The following PTER variants were observed in gnomAD, a reference collection of about 807,000 sequenced individuals.
PTER encodes phosphotriesterase related.
PTER carries 38 observed loss-of-function variants against 29.6 expected under a neutral mutation model. That is an observed-to-expected ratio of 1.28 (90% confidence interval 0.99 to 1.68). PTER has a LOEUF of 1.68. PTER is among the 40% of genes most tolerant of loss of function. The pLI is 0.00. For synonymous variants in PTER, 172 were observed against 154.5 expected (o/e 1.11, Z -0.84); for missense variants, 482 against 427.8 (o/e 1.13, Z -1.12).
chr10:16,497,392 C>T (rs1248627775), intron 3 of PTER, among the ~76,000 whole-genome samples: 1 of 152,100 alleles, frequency 6.6e-6, no homozygotes, highest in African/African-American at 2.4e-5. Flanking sequence ...TGTTTTTTAG[C>T]ACATTTAACT....
chr10:16,459,694 TTGC>T (rs1834536621), intron 1 of PTER, among the ~76,000 whole-genome samples: 1 of 152,134 alleles, frequency 6.6e-6, no homozygotes, highest in Non-Finnish European at 1.5e-5. Context: ...AGTATTTGCT[TTGC>T]ACTTAGATAT....
At position 16,456,962 on chromosome 10, in the gene PTER, C is replaced by T. The variant is rs1039173438; in HGVS notation, c.-49+19915C>T. Among the ~76,000 whole-genome samples the T allele has an allele frequency of 2.0e-5, 3 of 152,042 alleles. 1 individual carries two copies. Among genetic ancestry groups the T allele is most frequent in the Middle Eastern group, 6.8e-3 (2 of 294 alleles). On this transcript the variant is annotated intron_variant, in intron 1 of 4. Coordinates refer to ENST00000535784, the MANE Select transcript of PTER (RefSeq NM_001261836.2). ...TCCACTTTCACTTGGCTCTCTCATT[C>T]TCTCTTGCCTGCTGCCATGATTGTG...
At chr10:16,514,639 A>T, downstream of PTER, 2 of 1,613,964 alleles carry the variant, frequency 1.2e-6, no homozygotes, top group East Asian at 4.5e-5. Flanking sequence ...GCTCCAAATG[A>T]AGAACCACAC....
chr10:16,469,583 A>C (rs966735433), intron 1 of PTER, among the ~76,000 whole-genome samples: 2 of 152,170 alleles, frequency 1.3e-5, no homozygotes, highest in African/African-American at 4.8e-5. Flanking sequence ...TGGGTGAGGC[A>C]GGAGTCTTGG....
chr10:16,511,197 G>C lies in PTER; in HGVS notation c.991G>C (p.Glu331Gln), dbSNP rs753929597. The C allele has an allele frequency of 3.7e-6, 6 of 1,614,046 alleles. No individual in the cohort carries two copies. Among genetic ancestry groups the C allele is most frequent in the Non-Finnish European group, 5.1e-6 (6 of 1,180,002 alleles). The part of the protein sequence containing the change: ...VPKMLLRGIT[E>Q]NVLDKILIEN... ...TAAAATGTTGCTGAGAGGCATAACT[G>C]AGAATGTGCTTGATAAGATTCTAAT... Residue 331 changes from glutamate (E) to glutamine (Q), a missense_variant, in exon 5 of 5, where the codon GAG (glutamate) becomes CAG (glutamine). Physicochemically the swap from Glu to Gln is conservative, Grantham distance 29. Coordinates refer to ENST00000535784, the MANE Select transcript of PTER (RefSeq NM_001261836.2).
chr10:16,501,365 A>ATG (rs1269940135), intron 3 of PTER, among the ~76,000 whole-genome samples: 57 of 71,218 alleles, frequency 8.0e-4, no homozygotes, highest in African/African-American at 2.9e-3. Flanking sequence ...ACACACACAC[A>ATG]CACATGCACA....
chr10:16,453,447 T>C (rs538123823), intron 1 of PTER, among the ~76,000 whole-genome samples: 1 of 152,324 alleles, frequency 6.6e-6, no homozygotes, highest in Admixed American at 6.5e-5. Context: ...CGTTTTCAGT[T>C]GCTTAGGCAG....
chr10:16,495,904 G>A (rs139061470), intron 3 of PTER, among the ~76,000 whole-genome samples: 1 of 152,114 alleles, frequency 6.6e-6, no homozygotes, highest in Non-Finnish European at 1.5e-5. Context: ...CCAGTCTATT[G>A]TGAGTTTCAC....
At chr10:16,516,185 C>T (rs1199616646), downstream of PTER, among the ~76,000 whole-genome samples, 2 of 152,108 alleles carry the variant, frequency 1.3e-5, no homozygotes, top group African/African-American at 4.8e-5. Context: ...TACTAACAGG[C>T]ACTAATATAA....
intron 3 of PTER, among the ~76,000 whole-genome samples, chr10:16,503,107 G>A (rs1353418756): frequency 1.1e-5 from 1 of 87,146 alleles, no homozygotes; most frequent in Non-Finnish European, 2.1e-5. Flanking sequence ...TTTTAGTAGA[G>A]ATGGGTTTTC....
intron 1 of PTER, among the ~76,000 whole-genome samples, chr10:16,456,358 G>A (rs1834393307): frequency 6.6e-6 from 1 of 152,170 alleles, no homozygotes; most frequent in Non-Finnish European, 1.5e-5. Flanking sequence ...TAGTTCTCCT[G>A]TGGTGTCCCC....
chr10:16,488,634 C>G (rs902495034), intron 3 of PTER, among the ~76,000 whole-genome samples: 1 of 151,186 alleles, frequency 6.6e-6, no homozygotes, highest in African/African-American at 2.4e-5. Flanking sequence ...GAGAGTCTGT[C>G]TCTCTGTTGC....
downstream of PTER, among the ~76,000 whole-genome samples, chr10:16,516,527 A>G (rs1182891771): frequency 6.6e-6 from 1 of 152,068 alleles, no homozygotes; most frequent in African/African-American, 2.4e-5. Context: ...CCCATAATAT[A>G]CTCCTCAGCT....
intron 1 of PTER, among the ~76,000 whole-genome samples, chr10:16,452,482 A>AGTAGAGATG (rs1834249124): frequency 6.6e-6 from 1 of 151,608 alleles, no homozygotes; most frequent in Admixed American, 6.6e-5. Context: ...TTGTATTTTT[A>AGTAGAGATG]GTAGAGATGG....
chr10:16,457,130 G>A (rs544563547), intron 1 of PTER, among the ~76,000 whole-genome samples: 6 of 152,208 alleles, frequency 3.9e-5, no homozygotes, highest in Non-Finnish European at 8.8e-5. Context: ...AGGCTTCAGC[G>A]AGTTACATGC....
intron 1 of PTER, among the ~76,000 whole-genome samples, chr10:16,453,546 A>G (rs1358080263): frequency 6.6e-6 from 1 of 152,192 alleles, no homozygotes; most frequent in Non-Finnish European, 1.5e-5. Context: ...ATGAAGAATG[A>G]TAATAAATAA....
intron 3 of PTER, among the ~76,000 whole-genome samples, chr10:16,490,314 A>C (rs1283043534): frequency 1.3e-5 from 2 of 152,100 alleles, no homozygotes; most frequent in Non-Finnish European, 2.9e-5. Flanking sequence ...AAGTCCAAAA[A>C]GCATTAAGGT....
At chr10:16,476,864 T>C (rs1220235294) in intron 1 of PTER, among the ~76,000 whole-genome samples, 1 of 150,816 alleles carries the variant, frequency 6.6e-6, no homozygotes, top group African/African-American at 2.5e-5. Context: ...TGCCTGGCAT[T>C]GGGGTTTTAT....
chr10:16,460,328 G>T (rs1306536719), intron 1 of PTER, among the ~76,000 whole-genome samples: 1 of 152,086 alleles, frequency 6.6e-6, no homozygotes, highest in East Asian at 1.9e-4. Flanking sequence ...TACCTACATA[G>T]TTAGTAAAAC....
Sources: allele counts gnomAD v4.1 joint callset (sites outside exome capture counted in the v4.1 genomes callset), GRCh38; gene constraint gnomAD v4.1.1; transcripts MANE v1.5; gene names NCBI Gene and HGNC (gene_info 2026-07-23, HGNC 2026-07-21).